The following CAST variants were observed in gnomAD, a reference collection of about 807,000 sequenced individuals.
CAST encodes the protein MIR583 host.
CAST carries 76 observed loss-of-function variants against 119.6 expected under a neutral mutation model. The ratio of observed to expected loss-of-function variants is 0.64; its 90% CI spans 0.53 to 0.77. The LOEUF (loss-of-function observed/expected upper bound fraction) is 0.77. CAST is among the 30% of genes least tolerant of loss of function. CAST has a pLI of 0.00. For missense variants in CAST, 953 were observed against 946.5 expected (o/e 1.01, Z -0.09); for synonymous variants, 319 against 331.6 (o/e 0.96, Z 0.41).
At chr5:96,746,763 A>T (rs1763841086) in intron 17 of CAST, among the ~76,000 whole-genome samples, 1 of 152,212 alleles carries the variant, frequency 6.6e-6, no homozygotes, top group African/African-American at 2.4e-5. Context: ...AAAGCACCAT[A>T]GGTCTTCTGA....
the CAST span, among the ~76,000 whole-genome samples, chr5:96,491,525 A>G: frequency 7.1e-6 from 1 of 140,378 alleles, no homozygotes; most frequent in East Asian, 2.1e-4. Flanking sequence ...AAAAAAAAAA[A>G]TTAAAAAGAC....
At chr5:96,093,544 T>G in the CAST span, among the ~76,000 whole-genome samples, 1 of 152,146 alleles carries the variant, frequency 6.6e-6, no homozygotes, top group Non-Finnish European at 1.5e-5. Flanking sequence ...TGCTGTAAGA[T>G]TATGCAGGAC....
chr5:96,248,113 G>C, the CAST span: 1 of 152,192 alleles, frequency 6.6e-6, no homozygotes, highest in East Asian at 1.9e-4. Flanking sequence ...TACACCTACC[G>C]AAAATGCTGG....
chr5:96,383,516 G>A, the CAST span, among the ~76,000 whole-genome samples: 9 of 152,220 alleles, frequency 5.9e-5, 2 homozygotes, highest in African/African-American at 2.2e-4. Context: ...GCACAATTTC[G>A]GCTCCCTGCA....
the CAST span, among the ~76,000 whole-genome samples, chr5:96,089,416 A>G: frequency 3.3e-5 from 5 of 152,218 alleles, no homozygotes; most frequent in Admixed American, 1.3e-4. Flanking sequence ...GGATATTTAT[A>G]TAGTATTGTT....
intron 20 of CAST, among the ~76,000 whole-genome samples, 167 bp from the exon 21 acceptor site, chr5:96,753,893 C>T: frequency 6.6e-6 from 1 of 152,258 alleles, no homozygotes; most frequent in Middle Eastern, 3.4e-3. Flanking sequence ...GAATGTTAAA[C>T]GTTTTGTTTT....
At chr5:96,368,764 T>G in the CAST span, among the ~76,000 whole-genome samples, 1 of 152,146 alleles carries the variant, frequency 6.6e-6, no homozygotes, top group Admixed American at 6.5e-5. Flanking sequence ...GAATATCTAT[T>G]CTATTACTTT....
At chr5:96,355,042 A>G in the CAST span, among the ~76,000 whole-genome samples, 2 of 152,006 alleles carry the variant, frequency 1.3e-5, no homozygotes, top group African/African-American at 4.8e-5. Context: ...GTTTAAGTTC[A>G]GGGATACATG....
At chr5:96,772,164 A>G (rs1772637509) in intron 31 of CAST, 1 of 153,914 alleles carries the variant, frequency 6.5e-6, no homozygotes, top group Non-Finnish European at 1.5e-5. Flanking sequence ...AACAAGGGCA[A>G]AGGAAAAGAT....
At chr5:96,315,983 C>T in the CAST span, among the ~76,000 whole-genome samples, 10 of 152,200 alleles carry the variant, frequency 6.6e-5, no homozygotes, top group African/African-American at 2.4e-4. Flanking sequence ...GGTTGAGTAC[C>T]CCCAAGTGAA....
chr5:96,205,161 ATATGTGGTTTGCAAG>A, the CAST span, among the ~76,000 whole-genome samples: 3 of 152,014 alleles, frequency 2.0e-5, no homozygotes, highest in Non-Finnish European at 4.4e-5. Flanking sequence ...CCTTTGTTAA[ATATGTGGTTTGCAAG>A]TATTTTCTCC....
At chr5:96,400,604 G>A in the CAST span, among the ~76,000 whole-genome samples, 1 of 152,142 alleles carries the variant, frequency 6.6e-6, no homozygotes, top group Non-Finnish European at 1.5e-5. Context: ...CCACAGACGA[G>A]GCCTTGACTT....
chr5:96,560,632 C>A lies in CAST; in HGVS notation c.60+30752C>A, dbSNP rs542333070. On this transcript the variant is annotated intron_variant, in intron 1 of 11. Coordinates refer to the CAST transcript ENST00000505143. Reference sequence around the variant, plus strand: ...ATCATTACTGGCAATCAGAGAAATGCAAATCAAAACCACAATGAGATACCA... The same window carrying A: ...ATCATTACTGGCAATCAGAGAAATGAAAATCAAAACCACAATGAGATACCA... Among the ~76,000 whole-genome samples, 108 of 152,160 alleles carry A rather than the reference C, an allele frequency of 7.1e-4. 1 individual carries two copies. The South Asian group carries it at 0.015, about 21-fold the overall frequency.
chr5:96,742,819 T>G (rs1762982330), intron 16 of CAST, 63 bp downstream of exon 16: 3 of 1,091,006 alleles, frequency 2.7e-6, no homozygotes, highest in Non-Finnish European at 4.2e-6. Context: ...CCGAATGCAC[T>G]CTGCATGTTT....
the CAST span, among the ~76,000 whole-genome samples, chr5:96,023,913 T>C: frequency 1.6e-4 from 24 of 152,248 alleles, no homozygotes; most frequent in Admixed American, 4.6e-4. Flanking sequence ...TTGTCTTTTC[T>C]TAATAAAATC....
At chr5:96,271,240 A>G in the CAST span, among the ~76,000 whole-genome samples, 1 of 151,968 alleles carries the variant, frequency 6.6e-6, no homozygotes, top group African/African-American at 2.4e-5. Context: ...TAGAAATAGT[A>G]AAAAAACAGT....
At chr5:96,313,518 T>G in the CAST span, among the ~76,000 whole-genome samples, 1 of 152,200 alleles carries the variant, frequency 6.6e-6, no homozygotes, top group Non-Finnish European at 1.5e-5. Context: ...AGTAGTTCTT[T>G]TTATTGCTAT....
intron 21 of CAST, 33 bp from the exon 22 acceptor site, chr5:96,754,625 T>C: frequency 7.7e-7 from 1 of 1,292,926 alleles, no homozygotes; most frequent in Non-Finnish European, 1.1e-6. Flanking sequence ...GAAAAAAACA[T>C]GCTAACAATG....
the CAST span, among the ~76,000 whole-genome samples, chr5:96,160,232 A>G: frequency 6.6e-6 from 1 of 152,060 alleles, no homozygotes; most frequent in African/African-American, 2.4e-5. Context: ...TCACCGCCCA[A>G]AAATGAAACC....
Sources: gnomAD v4.1 joint callset for allele counts (sites outside exome capture counted in the v4.1 genomes callset) on GRCh38, gnomAD v4.1.1 for gene constraint, MANE v1.5 for transcripts, NCBI Gene and HGNC (gene_info 2026-07-23, HGNC 2026-07-21) for gene names.